CFAP20DC: variants seen among roughly 807,000 people sequenced by gnomAD.
CFAP20DC encodes CFAP20 domain containing, also known as protein CFAP20DC.
Under a neutral mutation model 101.7 loss-of-function variants are expected in CFAP20DC, and 84 were observed. The ratio of observed to expected loss-of-function variants is 0.83; its 90% CI spans 0.69 to 0.99. The LOEUF (loss-of-function observed/expected upper bound fraction) is 0.99, where lower values mean the gene tolerates loss of function less well. CFAP20DC is among the 50% of genes least tolerant of loss of function. The pLI is 0.00. For missense variants in CFAP20DC, 1,007 were observed against 970.3 expected, an observed-to-expected ratio of 1.04 and a Z score of -0.50; for synonymous variants, 359 against 351.2, an observed-to-expected ratio of 1.02 and a Z score of -0.25.
chr3:58,791,746 ACT>A (rs1041519045), intron 15 of CFAP20DC, among the ~76,000 whole-genome samples: 5 of 152,048 alleles, frequency 3.3e-5, no homozygotes, highest in South Asian at 2.1e-4. Flanking sequence ...CATTATAGGG[ACT>A]CTGTTTGTCA....
chr3:59,008,377 A>C (rs2093490265), intron 4 of CFAP20DC, among the ~76,000 whole-genome samples: 1 of 152,172 alleles, frequency 6.6e-6, no homozygotes, highest in Non-Finnish European at 1.5e-5. Flanking sequence ...CAAGGCTGGG[A>C]CCTCAGCCCA....
intron 4 of CFAP20DC, among the ~76,000 whole-genome samples, chr3:58,957,635 ATG>A (rs2090761608): frequency 6.6e-6 from 1 of 152,168 alleles, no homozygotes; most frequent in African/African-American, 2.4e-5. Flanking sequence ...GATAAAGACA[ATG>A]TGGTACTTAC....
At chr3:58,929,574 T>A (rs900243345) in intron 5 of CFAP20DC, among the ~76,000 whole-genome samples, 1 of 152,234 alleles carries the variant, frequency 6.6e-6, no homozygotes, top group African/African-American at 2.4e-5. Flanking sequence ...TGTTCAAGCA[T>A]TTATGGATAT....
At chr3:58,903,533 A>T (rs1445375081) in intron 6 of CFAP20DC, among the ~76,000 whole-genome samples, 1 of 152,218 alleles carries the variant, frequency 6.6e-6, no homozygotes, top group African/African-American at 2.4e-5. Flanking sequence ...ATTGACTCAC[A>T]GTTCTGCATG....
At chr3:58,848,042 A>G (rs137977724) in intron 13 of CFAP20DC, among the ~76,000 whole-genome samples, 4,785 of 130,076 alleles carry the variant, frequency 0.037, 68 homozygotes, top group African/African-American at 0.045. Context: ...GGGGAGGGAT[A>G]GCATCGGGAG....
At chr3:58,794,358 G>A (rs1220640361) in intron 15 of CFAP20DC, 1 of 455,960 alleles carries the variant, frequency 2.2e-6, no homozygotes, top group Admixed American at 2.4e-5. Flanking sequence ...ACAAGAAAGA[G>A]TCAACAGAAC....
chr3:58,813,286 T>C (rs899293610), intron 14 of CFAP20DC, among the ~76,000 whole-genome samples: 3 of 151,982 alleles, frequency 2.0e-5, no homozygotes, highest in African/African-American at 7.3e-5. Flanking sequence ...TTGCTTCCAA[T>C]GGAACTTGAT....
At chr3:58,726,450 A>G (rs17059749) in intron 3 of CFAP20DC, 4,446 of 153,490 alleles carry the variant, frequency 0.029, 235 homozygotes, top group African/African-American at 0.099. Flanking sequence ...TTAAGCCAGA[A>G]GGAATAAAGT....
At chr3:58,870,049 T>C (rs2080014458) in intron 8 of CFAP20DC, 124 bp downstream of exon 8, 18 of 881,998 alleles carry the variant, frequency 2.0e-5, no homozygotes, top group South Asian at 2.0e-5. Context: ...GCTTTTGGCA[T>C]GTAGTGTCTG....
chr3:58,985,454 C>A (rs2092718990), intron 4 of CFAP20DC, among the ~76,000 whole-genome samples: 1 of 152,024 alleles, frequency 6.6e-6, no homozygotes, highest in Admixed American at 6.6e-5. Context: ...GAAAAATAAC[C>A]AGCAATGTTA....
intron 15 of CFAP20DC, among the ~76,000 whole-genome samples, chr3:58,786,278 T>G (rs904621033): frequency 6.6e-6 from 1 of 152,158 alleles, no homozygotes; most frequent in African/African-American, 2.4e-5. Context: ...TCCCACTTTA[T>G]ATTTGTGTTC....
At chr3:59,024,322 G>T (rs2093854836) in intron 4 of CFAP20DC, among the ~76,000 whole-genome samples, 1 of 152,130 alleles carries the variant, frequency 6.6e-6, no homozygotes, top group East Asian at 1.9e-4. Context: ...GATGTCTATT[G>T]TAATATCTGG....
chr3:58,822,741 C>T (rs2075772375), intron 14 of CFAP20DC, among the ~76,000 whole-genome samples: 1 of 152,108 alleles, frequency 6.6e-6, no homozygotes, highest in African/African-American at 2.4e-5. Context: ...CTGTCTGAGG[C>T]TAGACATCCT....
At chr3:58,761,980 G>C (rs894103175) in intron 15 of CFAP20DC, among the ~76,000 whole-genome samples, 5 of 152,238 alleles carry the variant, frequency 3.3e-5, no homozygotes, top group Admixed American at 3.3e-4. Context: ...TTTGGAATAG[G>C]TGTGGTGTGG....
intron 15 of CFAP20DC, among the ~76,000 whole-genome samples, chr3:58,765,202 G>A (rs893357449): frequency 6.6e-5 from 10 of 151,886 alleles, no homozygotes; most frequent in African/African-American, 2.2e-4. Flanking sequence ...TTGTGTTTAC[G>A]AGACAATTTT....
chr3:58,937,347 C>T (rs941964238), intron 5 of CFAP20DC, among the ~76,000 whole-genome samples: 6 of 152,208 alleles, frequency 3.9e-5, no homozygotes, highest in African/African-American at 1.4e-4. Flanking sequence ...CTATCTCCTT[C>T]AGAAAGCCTT....
rs552481076 is a variant in CFAP20DC, at chr3:58,886,167, T to A, written c.551-1458A>T. Among the ~76,000 whole-genome samples, 7 of 152,246 alleles carry A rather than the reference T, an allele frequency of 4.6e-5. No homozygotes were observed. In the East Asian group the frequency reaches 1.3e-3, roughly 29 times the overall value. On this transcript the variant is annotated intron_variant, in intron 6 of 16. Transcript: ENST00000482387. The stretch of plus-strand genomic sequence containing the variant: ...TTACTCAGTAATTTCATTTTATGAA[T>A]CTATTCTAAAATTAAAAAAATTAGA...
Position 58,849,327 on chromosome 3 carries a change from C to G in CFAP20DC, c.1676G>C (p.Gly559Ala). The G allele has an allele frequency of 6.5e-7, 1 of 1,535,968 alleles. No homozygotes were observed. Among genetic ancestry groups the G allele is most frequent in the Non-Finnish European group, 8.7e-7 (1 of 1,146,792 alleles). The change falls in exon 13 of 17, where the codon GGG becomes GCG. Residue 559 changes from glycine to alanine, a missense_variant. Physicochemically the swap from Gly to Ala is moderately conservative, Grantham distance 60. Transcript: ENST00000482387. ...LTQLTLESLL[G>A]KAAKRTSKEY... ...CTTACTTGTCCGCTTTGCAGCCTTC[C>G]CCAGCAGGCTCTCTAATGTTAACTG...
At chr3:58,876,941 T>C (rs1335928231) in intron 7 of CFAP20DC, among the ~76,000 whole-genome samples, 1 of 152,242 alleles carries the variant, frequency 6.6e-6, no homozygotes, top group Non-Finnish European at 1.5e-5. Flanking sequence ...TACAGCAGTA[T>C]TATTTTAGAA....
Sources: allele counts gnomAD v4.1 joint callset (sites outside exome capture counted in the v4.1 genomes callset), GRCh38; gene constraint gnomAD v4.1.1; transcripts MANE v1.5; gene names NCBI Gene and HGNC (gene_info 2026-07-23, HGNC 2026-07-21).